TENM1: variants seen among roughly 807,000 people sequenced by gnomAD.
TENM1 encodes the protein teneurin transmembrane protein 1, also known as teneurin-1.
TENM1 carries 35 observed loss-of-function variants against 174.8 expected under a neutral mutation model. The ratio of observed to expected loss-of-function variants is 0.20; its 90% CI spans 0.15 to 0.27. The LOEUF is 0.27. Ranked by LOEUF, TENM1 falls within the 10% of genes least tolerant of loss-of-function variation. The pLI, the probability that TENM1 is intolerant of heterozygous loss-of-function variation, is 1.00. For synonymous variants in TENM1, 781 were observed against 798.7 expected, an observed-to-expected ratio of 0.98 and a Z score of 0.37; for missense variants, 1,633 against 2,130.1, an observed-to-expected ratio of 0.77 and a Z score of 4.59.
chrX:124,727,588 A>G (rs1311530122), intron 4 of TENM1, among the ~76,000 whole-genome samples: 1 of 112,001 alleles, frequency 8.9e-6, no homozygotes, highest in Non-Finnish European at 1.9e-5. Context: ...AATTCCTGAC[A>G]GAAATAAGCA....
At chrX:124,408,981 C>T (rs1431826430) in intron 25 of TENM1, among the ~76,000 whole-genome samples, 2 of 108,711 alleles carry the variant, frequency 1.8e-5, no homozygotes, top group East Asian at 2.9e-4. Flanking sequence ...CATCCATGTC[C>T]CTACAAAGGA....
At chrX:125,028,645 T>C in the TENM1 span, among the ~76,000 whole-genome samples, 1 of 111,862 alleles carries the variant, frequency 8.9e-6, no homozygotes, top group South Asian at 3.7e-4. Flanking sequence ...TTTACCTATG[T>C]AACAAACCTG....
the TENM1 span, among the ~76,000 whole-genome samples, chrX:125,104,643 A>AT: frequency 9.0e-6 from 1 of 111,131 alleles, no homozygotes; most frequent in Admixed American, 9.6e-5. Flanking sequence ...TTTTTTTAAC[A>AT]TAAAACTACA....
At chrX:124,935,463 T>TA (rs1209476590) in intron 1 of TENM1, among the ~76,000 whole-genome samples, 2 of 112,013 alleles carry the variant, frequency 1.8e-5, no homozygotes, top group South Asian at 3.7e-4. Context: ...TTATTTGAGT[T>TA]AGATGTTCCT....
At chrX:125,148,347 G>C in the TENM1 span, among the ~76,000 whole-genome samples, 1 of 109,685 alleles carries the variant, frequency 9.1e-6, no homozygotes, top group African/African-American at 3.3e-5. Context: ...TTTTCTATCA[G>C]TTACCCAACA....
the TENM1 span, among the ~76,000 whole-genome samples, chrX:125,196,899 C>T: frequency 9.9e-5 from 11 of 111,536 alleles, no homozygotes; most frequent in Non-Finnish European, 2.1e-4. Flanking sequence ...TCTAATTTCT[C>T]TGAACAACTG....
At chrX:124,496,037 A>G (rs1253756031) in intron 20 of TENM1, among the ~76,000 whole-genome samples, 5 of 104,034 alleles carry the variant, frequency 4.8e-5, no homozygotes, top group Admixed American at 1.0e-4. Context: ...GATCAATGGA[A>G]CAGAACAGAG....
At chrX:124,650,222 AAAAAAAG>A (rs1434674989) in intron 8 of TENM1, among the ~76,000 whole-genome samples, 8 of 106,493 alleles carry the variant, frequency 7.5e-5, no homozygotes, top group African/African-American at 2.8e-4. Context: ...AAAAAAAAAA[AAAAAAAG>A]AAAGAGGAGA....
intron 3 of TENM1, among the ~76,000 whole-genome samples, chrX:124,782,625 C>G (rs1241756086): frequency 9.0e-6 from 1 of 110,587 alleles, no homozygotes; most frequent in Non-Finnish European, 1.9e-5. Flanking sequence ...TTCACCTCAT[C>G]ATCTCTCATA....
the TENM1 span, among the ~76,000 whole-genome samples, chrX:125,063,856 C>T: frequency 0.33 from 36,123 of 108,435 alleles, 6,574 homozygotes; most frequent in African/African-American, 0.68. Context: ...AAGACACATG[C>T]ACATGTATGT....
At chrX:124,689,027 T>C (rs2052448986) in intron 5 of TENM1, among the ~76,000 whole-genome samples, 1 of 111,878 alleles carries the variant, frequency 8.9e-6, no homozygotes, top group African/African-American at 3.3e-5. Flanking sequence ...ATTTTTGTCA[T>C]TTACACCTCA....
rs777105660 is a variant in TENM1 at position 124,430,902 on chromosome X, C to A, written c.4105-8264G>T. 3.6e-5 allele frequency among the ~76,000 whole-genome samples: 4 copies of A among 112,039 alleles called. No individual in the cohort carries two copies. The South Asian group carries it at 1.5e-3, about 42-fold the overall frequency. On this transcript the variant is annotated intron_variant, in intron 23 of 31. Coordinates refer to ENST00000422452, the Ensembl canonical transcript of TENM1. Reference sequence around the variant, plus strand: ...AATAGTACTCTTGGTACAATTCCAGCTACAGAAAATGCTACCTTAATTGAT... The same window carrying A: ...AATAGTACTCTTGGTACAATTCCAGATACAGAAAATGCTACCTTAATTGAT...
At position 124,871,745 on chromosome X, in the gene TENM1, C is replaced by G. The variant is rs150144565; in HGVS notation, c.535+22551G>C. 8.0e-3 allele frequency among the ~76,000 whole-genome samples: 882 copies of G among 110,914 alleles called. 8 individuals are homozygous for G. Among genetic ancestry groups the G allele is most frequent in the African/African-American group, 0.028 (848 of 30,489 alleles). On this transcript the variant is annotated intron_variant, in intron 3 of 31. Transcript: ENST00000422452. ...AAGACAAAAGCTGAGCACTGGTGTA[C>G]ACCAAATTAAAAGGTTAGAGAGTCA...
At chrX:124,853,885 G>A (rs896516710) in intron 3 of TENM1, among the ~76,000 whole-genome samples, 2 of 111,295 alleles carry the variant, frequency 1.8e-5, no homozygotes, top group Non-Finnish European at 3.8e-5. Context: ...AAGGAAAGCT[G>A]ATTAATGGTT....
At position 124,560,851 on chromosome X, in the gene TENM1, G is replaced by A. The variant is rs773358201; in HGVS notation, c.2434+820C>T. 1.8e-3 allele frequency among the ~76,000 whole-genome samples: 205 copies of A among 111,370 alleles called. 1 individual carries two copies. The highest frequency in any genetic ancestry group is 2.6e-3 in the Non-Finnish European group (139 of 53,036). ...TTTTTTGTTAATTTTATGTTTCCTC[G>A]AGTAGAAGGTATGTGGAAAGTGAGG... On this transcript the variant is annotated intron_variant, in intron 14 of 31. Transcript: ENST00000422452.
At chrX:125,143,656 A>T in the TENM1 span, among the ~76,000 whole-genome samples, 22 of 111,837 alleles carry the variant, frequency 2.0e-4, no homozygotes, top group African/African-American at 6.5e-4. Context: ...AAAATTCTAG[A>T]TTATAAAACA....
Position 124,585,411 on chromosome X carries a change from C to A in TENM1, c.2078-19851G>T, listed in dbSNP as rs1261469115. ...TCAAAACCGCTCAACTACATGGAAA[C>A]TGAACAACCTGCTCCTGAATGACTA... On this transcript the variant is annotated intron_variant, in intron 11 of 31. Coordinates refer to ENST00000422452, the Ensembl canonical transcript of TENM1. 3.6e-5 allele frequency among the ~76,000 whole-genome samples: 4 copies of A among 111,215 alleles called. No homozygotes were observed. The East Asian group carries it at 1.1e-3, about 31-fold the overall frequency.
intron 23 of TENM1, among the ~76,000 whole-genome samples, chrX:124,435,744 G>A (rs192527327): frequency 2.7e-5 from 3 of 111,467 alleles, no homozygotes; most frequent in Admixed American, 9.5e-5. Flanking sequence ...GTGTGCTTCC[G>A]GGTTTTGCCC....
intron 3 of TENM1, among the ~76,000 whole-genome samples, chrX:124,798,675 A>C (rs2055367080): frequency 8.9e-6 from 1 of 111,736 alleles, no homozygotes; most frequent in Admixed American, 9.5e-5. Flanking sequence ...TTTGCTGTGC[A>C]GAAGTTCTTC....
Sources: allele counts gnomAD v4.1 joint callset (sites outside exome capture counted in the v4.1 genomes callset), GRCh38; gene constraint gnomAD v4.1.1; transcripts MANE v1.5; gene names NCBI Gene and HGNC (gene_info 2026-07-23, HGNC 2026-07-21).